The following PXDNL variants were observed in gnomAD, a reference collection of about 807,000 sequenced individuals.
The protein encoded by PXDNL is probable oxidoreductase PXDNL.
Under a neutral mutation model 150.8 loss-of-function variants are expected in PXDNL, and 145 were observed. That is an observed-to-expected ratio of 0.96 (90% CI 0.84 to 1.10). The LOEUF is 1.10. PXDNL is among the 50% of genes least tolerant of loss of function. The probability of loss-of-function intolerance (pLI) is 0.00; values close to 1 mark genes in which losing one functional copy is unlikely to be tolerated. For synonymous variants in PXDNL, 757 were observed against 725.7 expected (o/e 1.04, Z -0.69); for missense variants, 2,087 against 1,873.9 (o/e 1.11, Z -2.10).
chr8:51,341,865 G>T (rs1805993066), intron 20 of PXDNL, among the ~76,000 whole-genome samples: 1 of 152,128 alleles, frequency 6.6e-6, no homozygotes. Context: ...TGGAAATGTG[G>T]GTTGGAGTAG....
rs5891421 is a variant in PXDNL, at chr8:51,541,253, T to TAAA, written c.380+15584_380+15586dup. Reference sequence around the variant, plus strand: ...GGCCTGGCGACAGAGTGAGACTCCATAAAAAAAAAAAAAAAAAGAATATTG... The same window carrying TAAA: ...GGCCTGGCGACAGAGTGAGACTCCATAAAAAAAAAAAAAAAAAAAAGAATATTG... On this transcript the variant is annotated intron_variant, in intron 4 of 22. Coordinates refer to ENST00000356297, the MANE Select transcript of PXDNL (RefSeq NM_144651.5). 7.6e-4 allele frequency among the ~76,000 whole-genome samples: 97 copies of TAAA among 127,196 alleles called. 1 individual carries two copies. Among genetic ancestry groups the TAAA allele is most frequent in the Admixed American group, 1.4e-3 (18 of 12,906 alleles). The allele number at this position is 127,196 out of a possible 152,430, so 83.4% of individuals were successfully genotyped here. A position where few individuals can be genotyped will look rare whatever the true frequency, so the allele number is the denominator to read the frequency against.
chr8:51,643,518 C>T (rs904255344), intron 2 of PXDNL, among the ~76,000 whole-genome samples: 73 of 152,296 alleles, frequency 4.8e-4, no homozygotes, highest in African/African-American at 1.8e-3. Flanking sequence ...GGATCCCTTC[C>T]TTACACCTTA....
intron 1 of PXDNL, among the ~76,000 whole-genome samples, chr8:51,742,539 T>C (rs1181006743): frequency 6.6e-6 from 1 of 152,064 alleles, no homozygotes; most frequent in Admixed American, 6.5e-5. Context: ...TATTATTTCT[T>C]ACAACTTCAT....
intron 1 of PXDNL, among the ~76,000 whole-genome samples, chr8:51,776,457 C>A (rs1030108151): frequency 6.6e-6 from 1 of 152,118 alleles, no homozygotes; most frequent in African/African-American, 2.4e-5. Flanking sequence ...ATTTATTTCT[C>A]AGGCCAGCCG....
chr8:51,600,812 A>G (rs1157299041), intron 2 of PXDNL, among the ~76,000 whole-genome samples: 1 of 136,992 alleles, frequency 7.3e-6, no homozygotes, highest in African/African-American at 2.7e-5. Context: ...TATATCTTAT[A>G]TAAATTATAT....
intron 2 of PXDNL, among the ~76,000 whole-genome samples, chr8:51,629,861 C>A (rs1814454199): frequency 6.6e-6 from 1 of 152,056 alleles, no homozygotes; most frequent in Non-Finnish European, 1.5e-5. Flanking sequence ...TGGCATACTG[C>A]CCAAAGCAAT....
chr8:51,637,013 G>A (rs1172604090), intron 2 of PXDNL, among the ~76,000 whole-genome samples: 1 of 152,118 alleles, frequency 6.6e-6, no homozygotes, highest in East Asian at 1.9e-4. Context: ...GAACGATCAG[G>A]TAGCAACATT....
chr8:51,588,195 T>C (rs1322242268), intron 3 of PXDNL, among the ~76,000 whole-genome samples: 2 of 152,104 alleles, frequency 1.3e-5, no homozygotes, highest in Non-Finnish European at 1.5e-5. Flanking sequence ...ATGGATCAAG[T>C]ATAAAGAGCA....
intron 19 of PXDNL, among the ~76,000 whole-genome samples, chr8:51,351,800 G>A (rs756024674): frequency 1.3e-5 from 2 of 152,080 alleles, no homozygotes; most frequent in Non-Finnish European, 2.9e-5. Context: ...AAGGCCACCT[G>A]GAGGCCACCC....
At chr8:51,401,170 A>G (rs1808238808) in intron 17 of PXDNL, among the ~76,000 whole-genome samples, 1 of 152,224 alleles carries the variant, frequency 6.6e-6, no homozygotes, top group South Asian at 2.1e-4. Flanking sequence ...GAAAATGACC[A>G]GGGGTAGCAA....
intron 1 of PXDNL, among the ~76,000 whole-genome samples, chr8:51,711,502 C>T (rs1585693053): frequency 6.6e-6 from 1 of 152,152 alleles, no homozygotes; most frequent in Non-Finnish European, 1.5e-5. Flanking sequence ...TATGGCTTGT[C>T]TTCAAATTAT....
At chr8:51,563,254 C>T (rs1812753230) in intron 3 of PXDNL, among the ~76,000 whole-genome samples, 1 of 151,958 alleles carries the variant, frequency 6.6e-6, no homozygotes, top group Non-Finnish European at 1.5e-5. Context: ...GCTGCAAAGT[C>T]CAAGATCAAG....
intron 12 of PXDNL, among the ~76,000 whole-genome samples, chr8:51,435,410 A>G (rs1034368350): frequency 6.6e-6 from 1 of 151,988 alleles, no homozygotes; most frequent in Non-Finnish European, 1.5e-5. Flanking sequence ...CATATTTGGA[A>G]GAGAAAATAA....
chr8:51,747,394 ACTC>A (rs1178832107), intron 1 of PXDNL, among the ~76,000 whole-genome samples: 1 of 152,178 alleles, frequency 6.6e-6, no homozygotes, highest in Non-Finnish European at 1.5e-5. Flanking sequence ...TTCTAAGTGA[ACTC>A]AAAGTGTAGA....
chr8:51,414,333 T>C (rs1398374147), intron 14 of PXDNL, among the ~76,000 whole-genome samples: 1 of 151,928 alleles, frequency 6.6e-6, no homozygotes, highest in East Asian at 1.9e-4. Flanking sequence ...TCCTGTATAT[T>C]ATGACCATCT....
chr8:51,675,898 A>C (rs1815610852), intron 1 of PXDNL, among the ~76,000 whole-genome samples: 2 of 151,986 alleles, frequency 1.3e-5, no homozygotes, highest in South Asian at 4.1e-4. Flanking sequence ...GCTCCACTTC[A>C]GTCAATATAG....
At chr8:51,626,134 AC>A (rs1308084589) in intron 2 of PXDNL, among the ~76,000 whole-genome samples, 3 of 152,248 alleles carry the variant, frequency 2.0e-5, no homozygotes, top group African/African-American at 7.2e-5. Context: ...GGAGGCAATA[AC>A]AAAAATTATT....
At chr8:51,494,836 C>T (rs1294065153) in intron 5 of PXDNL, among the ~76,000 whole-genome samples, 7 of 151,818 alleles carry the variant, frequency 4.6e-5, no homozygotes, top group African/African-American at 1.5e-4. Context: ...TAATGGGAGA[C>T]TTTAACACCC....
At chr8:51,472,450 C>A in intron 7 of PXDNL, 146 bp from the exon 8 acceptor site, 2 of 586,776 alleles carry the variant, frequency 3.4e-6, no homozygotes, top group Non-Finnish European at 6.0e-6. Context: ...AATACATGTA[C>A]CAGGTTAGAG....
Sources: allele counts gnomAD v4.1 joint callset (sites outside exome capture counted in the v4.1 genomes callset), GRCh38; gene constraint gnomAD v4.1.1; transcripts MANE v1.5; gene names NCBI Gene and HGNC (gene_info 2026-07-23, HGNC 2026-07-21).